The following CPNE4 variants were observed in gnomAD, a reference collection of about 807,000 sequenced individuals.
CPNE4 encodes copine-4.
In CPNE4, 25 loss-of-function variants were observed where a neutral mutation model predicts 67.9. The observed-to-expected ratio is 0.37, with a 90% CI of 0.27 to 0.51. The LOEUF (loss-of-function observed/expected upper bound fraction) is 0.51, where lower values mean the gene tolerates loss of function less well. Among genes scored for constraint, CPNE4 ranks in the 20% least tolerant of loss-of-function variants. The pLI, the probability that CPNE4 is intolerant of heterozygous loss-of-function variation, is 0.93. For missense variants in CPNE4, 464 were observed against 690.8 expected (o/e 0.67, Z 3.68); for synonymous variants, 242 against 244.9 (o/e 0.99, Z 0.11).
At chr3:131,872,915 T>A (rs1194160491) in intron 2 of CPNE4, among the ~76,000 whole-genome samples, 1 of 152,298 alleles carries the variant, frequency 6.6e-6, no homozygotes, top group East Asian at 1.9e-4. Context: ...ACTCCAGATA[T>A]CATGTAGACA....
chr3:131,989,241 C>T (rs958912703), intron 1 of CPNE4, among the ~76,000 whole-genome samples: 1 of 152,114 alleles, frequency 6.6e-6, no homozygotes, highest in South Asian at 2.1e-4. Context: ...GAAATAAAAC[C>T]TTTTGGTGGC....
In CPNE4 at chr3:131,905,325, G is replaced by C. The variant is rs944595449; in HGVS notation, c.119C>G (p.Ala40Gly). 6.2e-7 allele frequency: 1 copy of C among 1,613,402 alleles called. No individual in the cohort carries two copies. Residue 40 changes from alanine (A) to glycine (G), a missense_variant, in exon 2 of 16, where the codon GCC becomes GGC. Coordinates refer to ENST00000429747, the MANE Select transcript of CPNE4 (RefSeq NM_130808.3). The stretch of plus-strand genomic sequence containing the variant: ...GACACAGGGGTCTGGTTTGGAAAGG[G>C]CATCTCTGTCAGAAATGCCTTTGCA... ...VACKGISDRD[A>G]LSKPDPCVIL...
At chr3:131,904,872 C>T (rs1050578180) in intron 2 of CPNE4, among the ~76,000 whole-genome samples, 1 of 152,102 alleles carries the variant, frequency 6.6e-6, no homozygotes, top group Non-Finnish European at 1.5e-5. Flanking sequence ...AATCTGAACT[C>T]TGCCTTGGCC....
intron 2 of CPNE4, among the ~76,000 whole-genome samples, chr3:131,756,347 C>A (rs998093043): frequency 2.6e-5 from 4 of 152,152 alleles, no homozygotes; most frequent in Non-Finnish European, 5.9e-5. Flanking sequence ...CATATGAATT[C>A]TAAAGTTTCA....
chr3:131,924,979 T>C lies in CPNE4; in HGVS notation c.-1-19535A>G, dbSNP rs373644098. Among the ~76,000 whole-genome samples the C allele has an allele frequency of 4.6e-5, 7 of 152,286 alleles. 2 individuals carry two copies. The highest frequency in any genetic ancestry group is 1.3e-4 in the Admixed American group (2 of 15,296). ...GAAGCACAGCTTAAGTCAGGACAGA[T>C]CCTGTTTTTCAGGCACAAGCACTGA... is the stretch of plus-strand genomic sequence containing the variant. On this transcript the variant is annotated intron_variant, in intron 1 of 15. Coordinates refer to ENST00000429747, the MANE Select transcript of CPNE4 (RefSeq NM_130808.3).
intron 2 of CPNE4, among the ~76,000 whole-genome samples, chr3:131,823,839 A>G (rs964320410): frequency 7.2e-5 from 11 of 152,244 alleles, no homozygotes; most frequent in Non-Finnish European, 1.5e-4. Flanking sequence ...TTTAAATGAA[A>G]AAAATGGAGC....
At chr3:131,772,485 G>GA (rs1277276633) in intron 2 of CPNE4, among the ~76,000 whole-genome samples, 1 of 152,034 alleles carries the variant, frequency 6.6e-6, no homozygotes, top group African/African-American at 2.4e-5. Flanking sequence ...TTCACTTAGG[G>GA]ATTCTTGATA....
intron 2 of CPNE4, among the ~76,000 whole-genome samples, chr3:131,862,445 C>A (rs995680398): frequency 2.0e-5 from 3 of 152,126 alleles, no homozygotes; most frequent in African/African-American, 7.2e-5. Flanking sequence ...AATATCCTAC[C>A]AGGTTCTTCA....
intron 7 of CPNE4, among the ~76,000 whole-genome samples, chr3:131,653,411 G>A (rs901630912): frequency 6.6e-6 from 1 of 152,056 alleles, no homozygotes; most frequent in African/African-American, 2.4e-5. Flanking sequence ...GCCTCCCAAA[G>A]TGCTGGGATT....
chr3:131,568,563 C>G (rs1937175846), intron 10 of CPNE4, among the ~76,000 whole-genome samples: 1 of 152,008 alleles, frequency 6.6e-6, no homozygotes, highest in Non-Finnish European at 1.5e-5. Context: ...ATCTTCTCTG[C>G]AGGCAGCACA....
intron 9 of CPNE4, among the ~76,000 whole-genome samples, chr3:131,581,299 C>T (rs1017957491): frequency 1.3e-5 from 2 of 152,176 alleles, no homozygotes; most frequent in African/African-American, 4.8e-5. Flanking sequence ...CTCCCTCTAG[C>T]ACTGCTCTGG....
chr3:131,658,944 C>A (rs1394546795), intron 7 of CPNE4, among the ~76,000 whole-genome samples: 4 of 152,138 alleles, frequency 2.6e-5, no homozygotes, highest in Non-Finnish European at 4.4e-5. Context: ...GGATGCCCTG[C>A]AGAAACTGAC....
intron 2 of CPNE4, among the ~76,000 whole-genome samples, chr3:131,865,315 G>A (rs1396956779): frequency 7.2e-5 from 11 of 152,084 alleles, no homozygotes; most frequent in African/African-American, 2.7e-4. Context: ...GGTAGAATTC[G>A]GCTGTGAATC....
intron 2 of CPNE4, among the ~76,000 whole-genome samples, chr3:131,875,401 G>A (rs13083142): frequency 6.6e-6 from 1 of 152,040 alleles, no homozygotes; most frequent in African/African-American, 2.4e-5. Context: ...TTGTGGCACT[G>A]TTCACAATAG....
chr3:131,772,257 A>C (rs1462225977), intron 2 of CPNE4, among the ~76,000 whole-genome samples: 1 of 152,180 alleles, frequency 6.6e-6, no homozygotes, highest in African/African-American at 2.4e-5. Flanking sequence ...GAAAGTGCCT[A>C]GCATATAGCA....
At chr3:131,540,447 C>T (rs1395793486) in intron 15 of CPNE4, among the ~76,000 whole-genome samples, 1 of 152,162 alleles carries the variant, frequency 6.6e-6, no homozygotes, top group Non-Finnish European at 1.5e-5. Flanking sequence ...AAGAAAGTGG[C>T]ACAACAAACA....
intron 14 of CPNE4, among the ~76,000 whole-genome samples, chr3:131,544,333 C>T (rs1357451072): frequency 1.3e-5 from 2 of 151,698 alleles, no homozygotes; most frequent in Non-Finnish European, 2.9e-5. Context: ...TAAAGAATTT[C>T]ATTTTTTTTC....
intron 2 of CPNE4, among the ~76,000 whole-genome samples, chr3:131,860,889 C>T (rs2086651165): frequency 6.6e-6 from 1 of 152,158 alleles, no homozygotes; most frequent in Non-Finnish European, 1.5e-5. Flanking sequence ...TGTCTTTAAT[C>T]TCTGAGAAAA....
In CPNE4 at chr3:131,771,438, G is replaced by A. The variant is rs528492504; in HGVS notation, c.181-47813C>T. 2.6e-5 allele frequency among the ~76,000 whole-genome samples: 4 copies of A among 152,140 alleles called. No homozygotes were observed. The South Asian group carries it at 8.3e-4, about 32-fold the overall frequency. On this transcript the variant is annotated intron_variant, in intron 2 of 15. Transcript: ENST00000429747. Reference sequence around the variant, plus strand: ...CATGGATAGATTAATGCCCATTTTGGGTGAAGGGTGAGGGGTGAGTAATAG... The same window carrying A: ...CATGGATAGATTAATGCCCATTTTGAGTGAAGGGTGAGGGGTGAGTAATAG...
Sources: allele counts gnomAD v4.1 joint callset (sites outside exome capture counted in the v4.1 genomes callset), GRCh38; gene constraint gnomAD v4.1.1; transcripts MANE v1.5; gene names NCBI Gene and HGNC (gene_info 2026-07-23, HGNC 2026-07-21).